Variants in ABCA4 observed in about 807,000 individuals in gnomAD.
The protein encoded by ABCA4 is retinal-specific phospholipid-transporting ATPase ABCA4.
ABCA4 carries 196 observed loss-of-function variants against 263.7 expected under a neutral mutation model. That is an observed-to-expected ratio of 0.74 (90% confidence interval 0.66 to 0.84). The LOEUF (loss-of-function observed/expected upper bound fraction) is 0.84, where lower values mean the gene tolerates loss of function less well. Ranked by LOEUF, ABCA4 falls within the 40% of genes least tolerant of loss-of-function variation. The pLI, the probability that ABCA4 is intolerant of heterozygous loss-of-function variation, is 0.00. For missense variants in ABCA4, 2,792 were observed against 2,855.1 expected, an observed-to-expected ratio of 0.98 and a Z score of 0.50; for synonymous variants, 1,133 against 1,094.2, an observed-to-expected ratio of 1.04 and a Z score of -0.70.
At position 94,037,234 on chromosome 1, in the gene ABCA4, C is replaced by T. The variant is rs1389287812; in HGVS notation, c.3724G>A (p.Ala1242Thr). 4 of 1,614,234 alleles carry T rather than the reference C, an allele frequency of 2.5e-6. No homozygotes were observed. The highest frequency in any genetic ancestry group is 3.4e-6 in the Non-Finnish European group (4 of 1,180,036). Residue 1242 changes from alanine (A) to threonine (T), a missense_variant, in exon 25 of 50, where the codon GCA becomes ACA. By Grantham distance (58) the Ala-to-Thr change is moderately conservative. Coordinates refer to ENST00000370225, the MANE Select transcript of ABCA4 (RefSeq NM_000350.3). ...AGCTCTCTGAAAAGGCTGGCATATGCTCTGTGCTTGAAGTTCTTATTTGGA... is the reference window on the plus strand; with the variant it reads ...AGCTCTCTGAAAAGGCTGGCATATGTTCTGTGCTTGAAGTTCTTATTTGGA... ...LLPNKNFKHR[A>T]YASLFRELEE...
In ABCA4 at chr1:94,008,279, T is replaced by C. The variant is rs763465478; in HGVS notation, c.5854A>G (p.Ser1952Gly). Residue 1952 changes from serine (S) to glycine (G), a missense_variant, in exon 42 of 50, where the codon AGC becomes GGC. Transcript: ENST00000370225. The stretch of plus-strand genomic sequence containing the variant: ...ACACACAGCCTGTCCACTGCTGGGC[T>C]GGAGGTGCCTGGATAAATCTGCAAG... ...ELTKIYPGTS[S>G]PAVDRLCVGV... 1.9e-6 allele frequency: 3 copies of C among 1,614,124 alleles called. No individual in the cohort carries two copies. The highest frequency in any genetic ancestry group is 1.7e-5 in the Admixed American group (1 of 60,018).
Position 94,032,050 on chromosome 1 carries a change from T to C in ABCA4, c.3863-7A>G, listed in dbSNP as rs775159499. On this transcript the variant is annotated splice_polypyrimidine_tract_variant and splice_region_variant and intron_variant, in intron 26 of 49. Coordinates refer to ENST00000370225, the MANE Select transcript of ABCA4 (RefSeq NM_000350.3). The stretch of plus-strand genomic sequence containing the variant: ...CTTTTCTGCTGAGCGCCACCTGTTT[T>C]GAGAGATTGAATTAATAATTTGGAA... 4.4e-6 allele frequency: 7 copies of C among 1,608,466 alleles called. No individual in the cohort carries two copies. Among genetic ancestry groups the C allele is most frequent in the South Asian group, 2.2e-5 (2 of 91,072 alleles).
intron 5 of ABCA4, among the ~76,000 whole-genome samples, chr1:94,099,891 G>A (rs761312271): frequency 2.6e-5 from 4 of 152,136 alleles, no homozygotes; most frequent in African/African-American, 4.8e-5. Flanking sequence ...TACAACCCTC[G>A]TGATGGCCTC....
chr1:94,072,810 A>G (rs906284176), intron 11 of ABCA4, among the ~76,000 whole-genome samples: 2 of 152,186 alleles, frequency 1.3e-5, no homozygotes, highest in Admixed American at 1.3e-4. Context: ...CTGCCTTCTA[A>G]CTGGGCCGTC....
chr1:94,092,047 G>A (rs759833671), intron 6 of ABCA4, among the ~76,000 whole-genome samples: 4 of 152,190 alleles, frequency 2.6e-5, no homozygotes, highest in African/African-American at 4.8e-5. Context: ...TCACCCAACC[G>A]CACATGAAAT....
At chr1:94,097,730 A>C (rs1158627054) in intron 6 of ABCA4, among the ~76,000 whole-genome samples, 1 of 151,934 alleles carries the variant, frequency 6.6e-6, no homozygotes, top group Non-Finnish European at 1.5e-5. Context: ...AACTTCTCTG[A>C]TGGGTTTTTT....
intron 10 of ABCA4, 104 bp from the exon 11 acceptor site, chr1:94,077,991 G>T: frequency 8.7e-7 from 1 of 1,143,196 alleles, no homozygotes; most frequent in Non-Finnish European, 1.3e-6. Flanking sequence ...GGATAGAGAT[G>T]CTAAGGCTCC....
chr1:94,014,738 C>T (rs778454371), intron 37 of ABCA4, 48 bp from the exon 38 acceptor site: 1 of 1,611,432 alleles, frequency 6.2e-7, no homozygotes, highest in Admixed American at 1.7e-5. Context: ...ACATTCCATT[C>T]CACCTACAAT....
intron 13 of ABCA4, chr1:94,061,539 G>A (rs1036954466): frequency 6.6e-6 from 1 of 152,614 alleles, no homozygotes; most frequent in African/African-American, 2.4e-5. Flanking sequence ...GCATGGGAGG[G>A]TTTCACTCAA....
At chr1:94,005,361 A>T (rs962584356) in intron 44 of ABCA4, 80 bp downstream of exon 44, 56 of 1,560,370 alleles carry the variant, frequency 3.6e-5, no homozygotes, top group Middle Eastern at 1.7e-4. Context: ...TCAGTTTCTC[A>T]TCTCCAAGAG....
intron 37 of ABCA4, among the ~76,000 whole-genome samples, chr1:94,014,920 C>A (rs1441521509): frequency 1.3e-5 from 2 of 152,176 alleles, no homozygotes; most frequent in African/African-American, 2.4e-5. Flanking sequence ...AGCAAATGGG[C>A]TGCTAGCTGT....
At chr1:94,088,375 C>T (rs1334181158) in intron 6 of ABCA4, among the ~76,000 whole-genome samples, 3 of 152,328 alleles carry the variant, frequency 2.0e-5, no homozygotes, top group Middle Eastern at 6.8e-3. Context: ...ACTCTGCACA[C>T]TCCCCGGATA....
chr1:94,117,482 A>ATG (rs1662823285), intron 1 of ABCA4, among the ~76,000 whole-genome samples: 1 of 92,194 alleles, frequency 1.1e-5, no homozygotes, highest in African/African-American at 3.6e-5. Flanking sequence ...AGGCCCCCCC[A>ATG]CAGATATCCA....
intron 15 of ABCA4, 117 bp from the exon 16 acceptor site, chr1:94,055,432 G>C: frequency 1.0e-6 from 1 of 996,502 alleles, no homozygotes; most frequent in Non-Finnish European, 1.5e-6. Flanking sequence ...TTGTCTCTCA[G>C]TGTAAGGTCA....
intron 16 of ABCA4, among the ~76,000 whole-genome samples, chr1:94,052,123 T>C (rs966785645): frequency 1.2e-4 from 18 of 152,018 alleles, no homozygotes; most frequent in African/African-American, 4.4e-4. Flanking sequence ...AGGAGATAGG[T>C]AGTAATATTA....
At position 94,103,126 on chromosome 1, in the gene ABCA4, T is replaced by C. The variant is rs143476180; in HGVS notation, c.459A>G (p.Ile153Met). The C allele has an allele frequency of 5.6e-6, 9 of 1,613,934 alleles. No homozygotes were observed. The highest frequency in any genetic ancestry group is 7.6e-6 in the Non-Finnish European group (9 of 1,179,966). ...PERIAGRGIR[I>M]RDILKDEETL... ...TTTCTTCATCTTTCAAGATATCCCT[T>C]ATTCGTATTCCTCTTCCTACATATG... Residue 153 changes from isoleucine (I) to methionine (M), a missense_variant, in exon 5 of 50, where the codon ATA (isoleucine) becomes ATG (methionine). By Grantham distance (10) the Ile-to-Met change is conservative. Transcript: ENST00000370225.
intron 38 of ABCA4, 136 bp downstream of exon 38, chr1:94,014,407 G>T: frequency 1.0e-6 from 1 of 969,838 alleles, no homozygotes; most frequent in Non-Finnish European, 1.6e-6. Context: ...GGCAGGGTCG[G>T]GGGTAGGGAG....
At chr1:94,112,936 T>C (rs1279203916) in intron 2 of ABCA4, 37 bp downstream of exon 2, 1 of 1,547,312 alleles carries the variant, frequency 6.5e-7, no homozygotes, top group Non-Finnish European at 8.9e-7. Flanking sequence ...GACCAAAGTC[T>C]CTTCAGGGCT....
intron 3 of ABCA4, among the ~76,000 whole-genome samples, chr1:94,109,220 C>G (rs1662530013): frequency 6.6e-6 from 1 of 152,222 alleles, no homozygotes; most frequent in South Asian, 2.1e-4. Flanking sequence ...TCTATTCAGT[C>G]TCCCAGTTTT....
Sources: gnomAD v4.1 joint callset for allele counts (sites outside exome capture counted in the v4.1 genomes callset) on GRCh38, gnomAD v4.1.1 for gene constraint, MANE v1.5 for transcripts, NCBI Gene and HGNC (gene_info 2026-07-23, HGNC 2026-07-21) for gene names.